The following PUDP variants were observed in gnomAD, a reference collection of about 807,000 sequenced individuals.
PUDP encodes pseudouridine 5'-phosphatase, also known as pseudouridine-5'-phosphatase.
PUDP carries 8 observed loss-of-function variants against 9.4 expected under a neutral mutation model. The ratio of observed to expected loss-of-function variants is 0.85; its 90% CI spans 0.50 to 1.53. The LOEUF (loss-of-function observed/expected upper bound fraction) is 1.53, where lower values mean the gene tolerates loss of function less well. PUDP is among the 40% of genes most tolerant of loss of function. The pLI, the probability that PUDP is intolerant of heterozygous loss-of-function variation, is 0.00. For missense variants in PUDP, 188 were observed against 189.7 expected, an observed-to-expected ratio of 0.99 and a Z score of 0.05; for synonymous variants, 99 against 80.7, an observed-to-expected ratio of 1.23 and a Z score of -1.22.
At chrX:6,710,339 C>T (rs1924517587) in intron 1 of PUDP, among the ~76,000 whole-genome samples, 1 of 111,925 alleles carries the variant, frequency 8.9e-6, no homozygotes, top group South Asian at 3.8e-4. Flanking sequence ...TTGACCCATG[C>T]ATTAAACCAC....
chrX:6,759,680 T>C (rs928897222), intron 3 of PUDP, among the ~76,000 whole-genome samples: 9 of 111,849 alleles, frequency 8.0e-5, no homozygotes, highest in African/African-American at 2.3e-4. Flanking sequence ...AGTGTGTAGG[T>C]AATTTTCTCG....
chrX:6,809,883 C>A (rs907310005), intron 3 of PUDP, among the ~76,000 whole-genome samples: 11 of 110,594 alleles, frequency 9.9e-5, no homozygotes, highest in Non-Finnish European at 9.4e-5. Context: ...AGAGCCTGAG[C>A]AACATAGCGA....
rs1315912657 is a variant in PUDP at position 7,141,059 on chromosome X, C to T, written c.61+6994G>A. On this transcript the variant is annotated intron_variant, in intron 1 of 3. Transcript: ENST00000381077. Reference sequence around the variant, plus strand: ...CCCATCTCTCTTCCTCTCCTCCAGGCCTCCCTAGTCCCTGAATCACACTAA... The same window carrying T: ...CCCATCTCTCTTCCTCTCCTCCAGGTCTCCCTAGTCCCTGAATCACACTAA... Among the ~76,000 whole-genome samples the T allele has an allele frequency of 8.5e-4, 95 of 111,605 alleles. No individual in the cohort carries two copies. The Admixed American group carries it at 9.1e-3, about 11-fold the overall frequency.
At chrX:6,926,226 G>A (rs1355627857) in intron 3 of PUDP, among the ~76,000 whole-genome samples, 1 of 111,569 alleles carries the variant, frequency 9.0e-6, no homozygotes, top group African/African-American at 3.3e-5. Flanking sequence ...ATGGTACTGT[G>A]CGTTAAGACA....
chrX:6,903,974 T>A, intron 3 of PUDP, among the ~76,000 whole-genome samples: 1 of 105,007 alleles, frequency 9.5e-6, no homozygotes, highest in East Asian at 3.1e-4. Context: ...TTTTTTGAGA[T>A]GGAGTCTCAC....
At chrX:7,057,361 G>A (rs764041377) in intron 3 of PUDP, among the ~76,000 whole-genome samples, 4 of 110,330 alleles carry the variant, frequency 3.6e-5, no homozygotes, top group Non-Finnish European at 7.6e-5. Context: ...GGGAGCCAGC[G>A]TGGTCTCTGG....
intron 3 of PUDP, among the ~76,000 whole-genome samples, chrX:6,917,182 T>C (rs1308869331): frequency 1.8e-5 from 2 of 110,694 alleles, no homozygotes; most frequent in Admixed American, 1.9e-4. Flanking sequence ...CTGGGCAACA[T>C]AGTGAAACTC....
chrX:7,130,996 C>T (rs1397774205), intron 1 of PUDP, among the ~76,000 whole-genome samples: 2 of 112,114 alleles, frequency 1.8e-5, no homozygotes, highest in East Asian at 2.8e-4. Flanking sequence ...CATGGGTTAA[C>T]GGCACCAAGA....
chrX:6,853,349 C>T (rs765313598), intron 3 of PUDP, among the ~76,000 whole-genome samples: 1 of 110,994 alleles, frequency 9.0e-6, no homozygotes, highest in South Asian at 3.8e-4. Context: ...ATTCCGGGCT[C>T]ATGTTAAAAA....
chrX:6,735,021 G>C (rs763483854), intron 3 of PUDP, among the ~76,000 whole-genome samples: 14 of 111,908 alleles, frequency 1.3e-4, no homozygotes, highest in Non-Finnish European at 2.6e-4. Flanking sequence ...TGGTTACATA[G>C]TATTCAAGTG....
In PUDP at chrX:6,792,053, T is replaced by C. The variant is rs760581757; in HGVS notation, c.*248-85587A>G. On this transcript the variant is annotated intron_variant and NMD_transcript_variant, in intron 3 of 3. Coordinates refer to the PUDP transcript ENST00000655425. ...TTGTGCACAGAGGTCTCCTACTGCA[T>C]TGGATGAATGAGAAGAGTCAGCAGG... Among the ~76,000 whole-genome samples, 9 of 111,565 alleles carry C rather than the reference T, an allele frequency of 8.1e-5. No homozygotes were observed. The South Asian group carries it at 2.7e-3, about 33-fold the overall frequency.
chrX:6,711,410 G>A (rs1217720856), intron 1 of PUDP, among the ~76,000 whole-genome samples: 3 of 111,128 alleles, frequency 2.7e-5, no homozygotes, highest in Non-Finnish European at 3.8e-5. Context: ...TCTGGAATGC[G>A]GGTCTTAGGA....
At chrX:7,136,515 T>C (rs1299599175) in intron 1 of PUDP, among the ~76,000 whole-genome samples, 8 of 112,497 alleles carry the variant, frequency 7.1e-5, no homozygotes, top group Non-Finnish European at 3.8e-5. Context: ...ACCTGGCTAA[T>C]TCTCCCATTC....
At chrX:6,935,731 C>T (rs1928286697) in intron 3 of PUDP, among the ~76,000 whole-genome samples, 3 of 36,273 alleles carry the variant, frequency 8.3e-5, no homozygotes, top group South Asian at 1.5e-3. Flanking sequence ...ATTGATAGAC[C>T]GCTAGCAAGA....
At chrX:6,804,066 T>C (rs1369939900) in intron 3 of PUDP, among the ~76,000 whole-genome samples, 1 of 111,706 alleles carries the variant, frequency 9.0e-6, no homozygotes, top group Non-Finnish European at 1.9e-5. Context: ...AAGCATGGTA[T>C]TGTTTGAGAT....
intron 3 of PUDP, among the ~76,000 whole-genome samples, chrX:6,759,464 T>C (rs1239152099): frequency 2.7e-5 from 3 of 111,702 alleles, no homozygotes; most frequent in Admixed American, 1.9e-4. Context: ...TGGTGACATT[T>C]GGGACCATAT....
At chrX:6,929,762 A>G (rs188295345) in intron 3 of PUDP, among the ~76,000 whole-genome samples, 11 of 111,858 alleles carry the variant, frequency 9.8e-5, no homozygotes, top group Admixed American at 9.5e-4. Flanking sequence ...TGGCTTACAC[A>G]ACAAATAATA....
intron 1 of PUDP, among the ~76,000 whole-genome samples, chrX:7,040,556 G>A (rs1929908201): frequency 8.9e-6 from 1 of 112,118 alleles, no homozygotes; most frequent in Non-Finnish European, 1.9e-5. Flanking sequence ...CTACATTTGT[G>A]CTGCCCACAG....
intron 1 of PUDP, among the ~76,000 whole-genome samples, chrX:7,143,275 G>A (rs1217007729): frequency 9.0e-6 from 1 of 111,689 alleles, no homozygotes; most frequent in Admixed American, 9.5e-5. Context: ...AACTTCATGT[G>A]ACTAATTTTA....
Sources: gnomAD v4.1 joint callset for allele counts (sites outside exome capture counted in the v4.1 genomes callset) on GRCh38, gnomAD v4.1.1 for gene constraint, MANE v1.5 for transcripts, NCBI Gene and HGNC (gene_info 2026-07-23, HGNC 2026-07-21) for gene names.